EEF1AKMT1: variants seen among roughly 807,000 people sequenced by gnomAD.
EEF1AKMT1 encodes the protein EEF1A lysine methyltransferase 1, also known as N-6 adenine-specific DNA methyltransferase 2 (putative).
Under a neutral mutation model 21.0 loss-of-function variants are expected in EEF1AKMT1, and 18 were observed. That is an observed-to-expected ratio of 0.86 (90% CI 0.59 to 1.27). The LOEUF is 1.27. Among genes scored for constraint, EEF1AKMT1 ranks in the 50% most tolerant of loss-of-function variants. The pLI is 0.00. For missense variants in EEF1AKMT1, 246 were observed against 258.6 expected (o/e 0.95, Z 0.33); for synonymous variants, 109 against 94.8 (o/e 1.15, Z -0.87).
intron 2 of EEF1AKMT1, among the ~76,000 whole-genome samples, chr13:20,746,065 C>T (rs374762909): frequency 1.1e-4 from 16 of 152,162 alleles, no homozygotes; most frequent in African/African-American, 3.6e-4. Flanking sequence ...AATATTCACT[C>T]ATAAGTCCAC....
chr13:20,749,074 T>A (rs1479264571), intron 2 of EEF1AKMT1, among the ~76,000 whole-genome samples: 1 of 152,200 alleles, frequency 6.6e-6, no homozygotes, highest in East Asian at 1.9e-4. Flanking sequence ...GAATTAAGTG[T>A]CAGTGTTCAT....
chr13:20,728,909 G>C lies in EEF1AKMT1; in HGVS notation c.*171C>G, dbSNP rs965177746. 5 of 778,786 alleles carry C rather than the reference G, an allele frequency of 6.4e-6. No homozygotes were observed. The South Asian group carries it at 9.1e-5, about 14-fold the overall frequency. 48.2% of individuals were successfully genotyped at this position (778,786 alleles called of 1,614,324 possible). A position where few individuals can be genotyped will look rare whatever the true frequency, so the allele number is the denominator to read the frequency against. ...TGGCAGAAGACTGAGCTCTAGGGAC[G>C]CCCTCCCTAAGGAAACAATAATGAA... On this transcript the variant is annotated 3_prime_UTR_variant, in exon 5 of 5. Coordinates refer to ENST00000382758, the MANE Select transcript of EEF1AKMT1 (RefSeq NM_001318939.2).
chr13:20,736,933 C>T (rs1156759807), intron 3 of EEF1AKMT1, among the ~76,000 whole-genome samples: 1 of 151,588 alleles, frequency 6.6e-6, no homozygotes, highest in African/African-American at 2.4e-5. Flanking sequence ...AGGGTTTCAC[C>T]ATGTTGTCCA....
chr13:20,745,210 T>C (rs1382799127), intron 2 of EEF1AKMT1, among the ~76,000 whole-genome samples: 1 of 152,198 alleles, frequency 6.6e-6, no homozygotes, highest in East Asian at 1.9e-4. Flanking sequence ...TTTTTCTAAT[T>C]CTGCAAAGAA....
chr13:20,757,409 G>A lies in EEF1AKMT1; in HGVS notation c.144+46C>T, dbSNP rs769296129. 5.6e-6 allele frequency: 9 copies of A among 1,605,792 alleles called. No individual in the cohort carries two copies. The Admixed American group carries it at 1.2e-4, about 21-fold the overall frequency. The stretch of plus-strand genomic sequence containing the variant: ...AACACTGGACTAATGCACAGAGTAG[G>A]TTCCACATCAATACTTCCTGATGGC... On this transcript the variant is annotated intron_variant, in intron 2 of 4. Transcript: ENST00000382758.
intron 2 of EEF1AKMT1, among the ~76,000 whole-genome samples, chr13:20,746,207 C>CA (rs2058903341): frequency 6.6e-6 from 1 of 151,978 alleles, no homozygotes; most frequent in African/African-American, 2.4e-5. Context: ...GGCTGGAGTG[C>CA]AATGGCACAA....
chr13:20,755,681 G>T (rs978631531), intron 2 of EEF1AKMT1, among the ~76,000 whole-genome samples: 1 of 152,124 alleles, frequency 6.6e-6, no homozygotes, highest in Non-Finnish European at 1.5e-5. Flanking sequence ...TCAATATTTT[G>T]GTTCTTATTT....
At chr13:20,738,247 G>C (rs1159662774) in intron 2 of EEF1AKMT1, among the ~76,000 whole-genome samples, 1 of 152,234 alleles carries the variant, frequency 6.6e-6, no homozygotes, top group African/African-American at 2.4e-5. Context: ...GCAAAATCCA[G>C]ACTGTGCTCC....
chr13:20,732,651 G>T (rs372632010), intron 3 of EEF1AKMT1, among the ~76,000 whole-genome samples: 4 of 152,030 alleles, frequency 2.6e-5, no homozygotes, highest in Non-Finnish European at 4.4e-5. Context: ...ATAATTTTGA[G>T]GTATGAAAGG....
chr13:20,772,270 A>G (rs1342935159), intron 1 of EEF1AKMT1, among the ~76,000 whole-genome samples: 1 of 152,016 alleles, frequency 6.6e-6, no homozygotes, highest in Non-Finnish European at 1.5e-5. Flanking sequence ...ACTTGTACCT[A>G]TGGATTATAT....
chr13:20,745,875 A>AAAAATG (rs1174050548), intron 2 of EEF1AKMT1, among the ~76,000 whole-genome samples: 1 of 152,116 alleles, frequency 6.6e-6, no homozygotes, highest in African/African-American at 2.4e-5. Flanking sequence ...AAATAAAAAT[A>AAAAATG]AAACAAGATG....
intron 2 of EEF1AKMT1, among the ~76,000 whole-genome samples, chr13:20,742,782 T>C (rs1384714038): frequency 2.6e-5 from 4 of 152,208 alleles, no homozygotes; most frequent in Non-Finnish European, 5.9e-5. Flanking sequence ...CAGCCTCTCT[T>C]GTTGCAACAA....
intron 2 of EEF1AKMT1, among the ~76,000 whole-genome samples, chr13:20,739,191 T>G (rs958476119): frequency 3.3e-5 from 5 of 152,124 alleles, no homozygotes; most frequent in African/African-American, 1.2e-4. Context: ...CCCAGTGGGT[T>G]GGTAACTTCG....
intron 4 of EEF1AKMT1, among the ~76,000 whole-genome samples, chr13:20,730,040 G>A (rs2058783506): frequency 6.6e-6 from 1 of 152,374 alleles, no homozygotes; most frequent in South Asian, 2.1e-4. Context: ...CTCCCGGGCC[G>A]CTGTGGCCGT....
At chr13:20,757,300 C>T in intron 2 of EEF1AKMT1, 155 bp downstream of exon 2, 1 of 746,534 alleles carries the variant, frequency 1.3e-6, no homozygotes. Context: ...TGTTCACTGA[C>T]TGCTTTCTGT....
At chr13:20,757,371 G>C in intron 2 of EEF1AKMT1, 84 bp downstream of exon 2, 1 of 1,499,614 alleles carries the variant, frequency 6.7e-7, no homozygotes, top group Non-Finnish European at 9.1e-7. Flanking sequence ...TCCGGTTTTA[G>C]GTGAGACAGA....
chr13:20,773,152 C>T (rs1448784329), intron 1 of EEF1AKMT1, among the ~76,000 whole-genome samples: 1 of 152,164 alleles, frequency 6.6e-6, no homozygotes, highest in Non-Finnish European at 1.5e-5. Flanking sequence ...TTCCAGAATT[C>T]TATTTATCCT....
intron 1 of EEF1AKMT1, among the ~76,000 whole-genome samples, chr13:20,768,353 C>T (rs1004994150): frequency 3.3e-5 from 5 of 152,192 alleles, no homozygotes; most frequent in East Asian, 3.8e-4. Flanking sequence ...CACCCCACTA[C>T]GGAGGCAAAA....
chr13:20,729,238 A>C (rs1159282246), intron 4 of EEF1AKMT1, 22 bp from the exon 5 acceptor site: 1 of 1,613,996 alleles, frequency 6.2e-7, no homozygotes, highest in Non-Finnish European at 8.5e-7. Flanking sequence ...AAAGCAAATG[A>C]ATCCAGAGAG....
Sources: allele counts gnomAD v4.1 joint callset (sites outside exome capture counted in the v4.1 genomes callset), GRCh38; gene constraint gnomAD v4.1.1; transcripts MANE v1.5; gene names NCBI Gene and HGNC (gene_info 2026-07-23, HGNC 2026-07-21).